Variants in CCDC7 observed in about 807,000 individuals in gnomAD.
CCDC7 encodes coiled-coil domain containing 7, also known as coiled-coil domain-containing protein 7.
CCDC7 carries 183 observed loss-of-function variants against 196.9 expected under a neutral mutation model. The ratio of observed to expected loss-of-function variants is 0.93; its 90% CI spans 0.82 to 1.05. The LOEUF (loss-of-function observed/expected upper bound fraction) is 1.05, where lower values mean the gene tolerates loss of function less well. Ranked by LOEUF, CCDC7 falls within the 50% of genes least tolerant of loss-of-function variation. CCDC7 has a pLI of 0.00. For missense variants in CCDC7, 1,540 were observed against 1,482.2 expected (o/e 1.04, Z -0.64); for synonymous variants, 525 against 484.6 (o/e 1.08, Z -1.10).
intron 29 of CCDC7, among the ~76,000 whole-genome samples, chr10:32,804,703 T>A (rs1320334179): frequency 6.6e-6 from 1 of 152,162 alleles, no homozygotes; most frequent in Admixed American, 6.5e-5. Context: ...TAATTTTGCG[T>A]TACAGATAAG....
chr10:32,495,117 GT>G (rs1486543119), intron 9 of CCDC7, among the ~76,000 whole-genome samples: 2 of 152,132 alleles, frequency 1.3e-5, no homozygotes, highest in African/African-American at 4.8e-5. Context: ...TCTCATTGTG[GT>G]TTTGATTTGC....
chr10:32,867,419 T>C (rs2094241081), intron 41 of CCDC7, among the ~76,000 whole-genome samples: 1 of 151,374 alleles, frequency 6.6e-6, no homozygotes, highest in African/African-American at 2.4e-5. Flanking sequence ...AACACATACA[T>C]CTACATATGA....
chr10:32,465,377 C>G (rs2133771722), intron 5 of CCDC7, among the ~76,000 whole-genome samples: 1 of 152,152 alleles, frequency 6.6e-6, no homozygotes, highest in South Asian at 2.1e-4. Flanking sequence ...TTCTGTCTCC[C>G]TAACAAGTAA....
chr10:32,494,797 G>A (rs1306527781), intron 9 of CCDC7, among the ~76,000 whole-genome samples: 1 of 152,186 alleles, frequency 6.6e-6, no homozygotes, highest in Non-Finnish European at 1.5e-5. Context: ...GTGTATCATT[G>A]ATGGGCACTT....
chr10:32,742,590 A>G (rs553159486), intron 28 of CCDC7, among the ~76,000 whole-genome samples: 1 of 152,312 alleles, frequency 6.6e-6, no homozygotes, highest in Admixed American at 6.5e-5. Context: ...GGAATCATAC[A>G]GTATGTAGCA....
intron 29 of CCDC7, among the ~76,000 whole-genome samples, chr10:32,790,852 A>G (rs895698986): frequency 2.6e-5 from 4 of 152,162 alleles, no homozygotes; most frequent in Non-Finnish European, 5.9e-5. Flanking sequence ...CATACTGGAT[A>G]CTTCAGTAGT....
At chr10:32,572,929 G>A (rs2057752770) in intron 16 of CCDC7, among the ~76,000 whole-genome samples, 2 of 145,914 alleles carry the variant, frequency 1.4e-5, no homozygotes, top group Non-Finnish European at 3.0e-5. Flanking sequence ...CCAGGCTGGA[G>A]GGCAGTGGCA....
chr10:32,653,603 T>C (rs890576563), intron 20 of CCDC7, among the ~76,000 whole-genome samples: 2 of 152,192 alleles, frequency 1.3e-5, no homozygotes, highest in African/African-American at 4.8e-5. Context: ...ATGGATAGGG[T>C]TCTTCCTCCA....
At chr10:32,705,616 G>A (rs1286604828) in intron 24 of CCDC7, among the ~76,000 whole-genome samples, 1 of 152,058 alleles carries the variant, frequency 6.6e-6, no homozygotes, top group Non-Finnish European at 1.5e-5. Flanking sequence ...ATAAAGGGAT[G>A]GAGGAAGATC....
chr10:32,486,279 G>T, intron 8 of CCDC7, among the ~76,000 whole-genome samples: 1 of 151,698 alleles, frequency 6.6e-6, no homozygotes, highest in Non-Finnish European at 1.5e-5. Context: ...TTTGATCTTT[G>T]TTGGTTTAAA....
At chr10:32,657,599 G>C (rs1416937237) in intron 20 of CCDC7, among the ~76,000 whole-genome samples, 1 of 152,214 alleles carries the variant, frequency 6.6e-6, no homozygotes, top group Non-Finnish European at 1.5e-5. Context: ...CAGAGCAGGG[G>C]AACCTGGGCC....
At chr10:32,449,069 A>G (rs191371303), upstream of CCDC7, among the ~76,000 whole-genome samples, 36 of 152,044 alleles carry the variant, frequency 2.4e-4, no homozygotes, top group African/African-American at 8.4e-4. Context: ...TGGGTCTTAA[A>G]AATTCCTCTT....
intron 28 of CCDC7, among the ~76,000 whole-genome samples, chr10:32,731,541 T>C (rs1300456653): frequency 6.6e-6 from 1 of 152,208 alleles, no homozygotes; most frequent in African/African-American, 2.4e-5. Context: ...GTGTCACATA[T>C]GTTATAAAAA....
chr10:32,554,003 G>C (rs2053940202), intron 13 of CCDC7, among the ~76,000 whole-genome samples: 1 of 152,188 alleles, frequency 6.6e-6, no homozygotes, highest in African/African-American at 2.4e-5. Context: ...TGTGGCTGCT[G>C]TGGGGAATGG....
At chr10:32,489,310 A>G (rs1013733664) in intron 8 of CCDC7, among the ~76,000 whole-genome samples, 1 of 152,204 alleles carries the variant, frequency 6.6e-6, no homozygotes, top group Non-Finnish European at 1.5e-5. Context: ...TCTGGTGTCT[A>G]GAATGCAGGC....
intron 8 of CCDC7, among the ~76,000 whole-genome samples, chr10:32,483,880 G>A (rs2040468683): frequency 6.6e-6 from 1 of 152,170 alleles, no homozygotes. Flanking sequence ...CCAGTACCAT[G>A]CTGTTTTGGT....
chr10:32,688,694 T>C (rs536238517), intron 22 of CCDC7, among the ~76,000 whole-genome samples: 2 of 152,324 alleles, frequency 1.3e-5, no homozygotes, highest in African/African-American at 4.8e-5. Flanking sequence ...TCTATGCTTG[T>C]ATATTTAGGT....
intron 41 of CCDC7, among the ~76,000 whole-genome samples, chr10:32,873,268 GCTT>G (rs1312821093): frequency 2.6e-5 from 4 of 151,246 alleles, no homozygotes; most frequent in Non-Finnish European, 5.9e-5. Context: ...AACTCTTCTC[GCTT>G]CTTTTTATTC....
At chr10:32,535,648 T>C (rs922912684) in intron 11 of CCDC7, among the ~76,000 whole-genome samples, 4 of 152,284 alleles carry the variant, frequency 2.6e-5, no homozygotes, top group Non-Finnish European at 5.9e-5. Flanking sequence ...AAGGTTCTTA[T>C]TATACGAAAT....
Sources: gnomAD v4.1 joint callset for allele counts (sites outside exome capture counted in the v4.1 genomes callset) on GRCh38, gnomAD v4.1.1 for gene constraint, MANE v1.5 for transcripts, NCBI Gene and HGNC (gene_info 2026-07-23, HGNC 2026-07-21) for gene names.